PTPRT: variants seen among roughly 807,000 people sequenced by gnomAD.
The protein encoded by PTPRT is receptor-type tyrosine-protein phosphatase T.
In PTPRT, 56 loss-of-function variants were observed where a neutral mutation model predicts 176.8. That is an observed-to-expected ratio of 0.32 (90% CI 0.26 to 0.40). The LOEUF is 0.40. Among genes scored for constraint, PTPRT ranks in the 10% least tolerant of loss-of-function variants. The pLI, the probability that PTPRT is intolerant of heterozygous loss-of-function variation, is 1.00. For missense variants in PTPRT, 1,540 were observed against 1,908.2 expected (o/e 0.81, Z 3.60); for synonymous variants, 783 against 739.0 (o/e 1.06, Z -0.96).
At chr20:42,695,959 T>C (rs1194418557) in intron 6 of PTPRT, among the ~76,000 whole-genome samples, 1 of 152,088 alleles carries the variant, frequency 6.6e-6, no homozygotes, top group Non-Finnish European at 1.5e-5. Flanking sequence ...CCTCCTGTCA[T>C]TCATGGCCTT....
In PTPRT at chr20:42,585,591, G is replaced by A. The variant is rs191476811; in HGVS notation, c.1153+92275C>T. Among the ~76,000 whole-genome samples, 357 of 152,148 alleles carry A rather than the reference G, an allele frequency of 2.3e-3. 3 individuals are homozygous for A. The highest frequency in any genetic ancestry group is 8.4e-3 in the African/African-American group (350 of 41,514). ...CTTCCCACATGCCAGGCACTTTTCT[G>A]AGGATTTTACATACATTGTTTATTA... On this transcript the variant is annotated intron_variant, in intron 7 of 30. Transcript: ENST00000373187.
At chr20:43,052,327 G>A (rs571664624) in intron 1 of PTPRT, among the ~76,000 whole-genome samples, 9 of 152,296 alleles carry the variant, frequency 5.9e-5, no homozygotes, top group African/African-American at 2.2e-4. Context: ...AAAATATCAC[G>A]TGCTATCTAT....
chr20:42,457,451 A>G (rs984000082), intron 8 of PTPRT, among the ~76,000 whole-genome samples: 1 of 152,166 alleles, frequency 6.6e-6, no homozygotes. Context: ...TTTACTTTGC[A>G]CTATCAGATT....
chr20:42,683,922 T>G (rs1255444437), intron 6 of PTPRT, among the ~76,000 whole-genome samples: 2 of 152,188 alleles, frequency 1.3e-5, no homozygotes, highest in Non-Finnish European at 2.9e-5. Context: ...GGATTCTATG[T>G]GTACTGAATG....
intron 15 of PTPRT, among the ~76,000 whole-genome samples, chr20:42,226,186 G>T (rs2056005965): frequency 6.6e-6 from 1 of 152,180 alleles, no homozygotes; most frequent in South Asian, 2.1e-4. Context: ...TCTTACTAAA[G>T]ACTCAACAAT....
At chr20:42,333,085 A>C (rs1417289932) in intron 11 of PTPRT, among the ~76,000 whole-genome samples, 1 of 152,192 alleles carries the variant, frequency 6.6e-6, no homozygotes, top group East Asian at 1.9e-4. Flanking sequence ...AATACCCACA[A>C]TGATCTTAAA....
chr20:42,836,826 G>A (rs1400663037), intron 2 of PTPRT, among the ~76,000 whole-genome samples: 3 of 152,128 alleles, frequency 2.0e-5, no homozygotes, highest in Non-Finnish European at 2.9e-5. Context: ...GCTATGTAAC[G>A]GCACTGTGCT....
At chr20:42,894,714 C>T (rs1268925543) in intron 1 of PTPRT, among the ~76,000 whole-genome samples, 3 of 152,154 alleles carry the variant, frequency 2.0e-5, no homozygotes, top group Non-Finnish European at 4.4e-5. Flanking sequence ...TTCCCCAATC[C>T]CTGTAAAATG....
intron 6 of PTPRT, among the ~76,000 whole-genome samples, chr20:42,697,558 C>T (rs1038606362): frequency 1.1e-4 from 16 of 152,210 alleles, no homozygotes; most frequent in African/African-American, 3.9e-4. Context: ...CAGACACGGC[C>T]ATGGGGCAGA....
intron 7 of PTPRT, among the ~76,000 whole-genome samples, chr20:42,580,413 T>C (rs2073350389): frequency 6.6e-6 from 1 of 152,166 alleles, no homozygotes; most frequent in Admixed American, 6.5e-5. Flanking sequence ...ATATGAACTT[T>C]AAAGTAGTTT....
At position 42,104,590 on chromosome 20, in the gene PTPRT, G is replaced by C; in HGVS notation, c.3519C>G (p.Ser1173Arg). ...ISRLDPQTNS[S>R]QIKDEFQTLN... ...ATACCTGAAATTCATCTTTGATTTG[G>C]CTGGAGTTTGTCTGGGGGTCCAGCC... Residue 1173 changes from serine to arginine, a missense_variant, in exon 25 of 31, where the codon AGC (serine) becomes AGG (arginine). Physicochemically the swap from Ser to Arg is moderately radical, Grantham distance 110. Transcript: ENST00000373187. 4.3e-6 allele frequency: 7 copies of C among 1,613,038 alleles called. No individual in the cohort carries two copies. The highest frequency in any genetic ancestry group is 5.9e-6 in the Non-Finnish European group (7 of 1,179,140).
intron 15 of PTPRT, among the ~76,000 whole-genome samples, chr20:42,227,095 T>C (rs754514074): frequency 1.2e-4 from 18 of 150,952 alleles, no homozygotes; most frequent in Non-Finnish European, 1.9e-4. Flanking sequence ...TCTCTGAAAA[T>C]CAATCAGACT....
chr20:42,886,050 C>CATATAT (rs11473209), intron 1 of PTPRT, 118 bp from the exon 2 acceptor site: 152 of 339,514 alleles, frequency 4.5e-4, no homozygotes, highest in Non-Finnish European at 5.3e-4. Context: ...GAAGATTTTC[C>CATATAT]ATATATATAT....
intron 7 of PTPRT, among the ~76,000 whole-genome samples, chr20:42,669,853 G>C (rs2075383352): frequency 6.6e-6 from 1 of 151,926 alleles, no homozygotes; most frequent in South Asian, 2.1e-4. Flanking sequence ...TTTGCTCTGG[G>C]CTTGAAAGGC....
intron 7 of PTPRT, among the ~76,000 whole-genome samples, chr20:42,617,088 C>G (rs2074095662): frequency 7.3e-6 from 1 of 137,024 alleles, no homozygotes; most frequent in Admixed American, 6.9e-5. Flanking sequence ...TCATAGATAG[C>G]TCTTATTATT....
chr20:42,851,593 T>C (rs1164205515), intron 2 of PTPRT, among the ~76,000 whole-genome samples: 3 of 152,240 alleles, frequency 2.0e-5, no homozygotes, highest in Non-Finnish European at 2.9e-5. Context: ...TTATTTGCTA[T>C]TGCTTCAGCT....
the PTPRT span, among the ~76,000 whole-genome samples, chr20:42,054,790 G>A: frequency 1.3e-5 from 2 of 152,096 alleles, no homozygotes; most frequent in Non-Finnish European, 2.9e-5. Flanking sequence ...CTGATATGCC[G>A]AATAGGTGCC....
At chr20:42,255,386 A>G (rs753459889) in intron 13 of PTPRT, among the ~76,000 whole-genome samples, 1 of 152,220 alleles carries the variant, frequency 6.6e-6, no homozygotes, top group African/African-American at 2.4e-5. Flanking sequence ...AACTGTTCAC[A>G]TATGGGGCAC....
chr20:42,277,364 C>T (rs552863107), intron 13 of PTPRT, among the ~76,000 whole-genome samples: 5 of 152,162 alleles, frequency 3.3e-5, no homozygotes, highest in Non-Finnish European at 7.3e-5. Flanking sequence ...GCCACTCGGG[C>T]GCACCCAGCG....
Sources: gnomAD v4.1 joint callset for allele counts (sites outside exome capture counted in the v4.1 genomes callset) on GRCh38, gnomAD v4.1.1 for gene constraint, MANE v1.5 for transcripts, NCBI Gene and HGNC (gene_info 2026-07-23, HGNC 2026-07-21) for gene names.